Variants in OGFOD1 observed in about 807,000 individuals in gnomAD.
OGFOD1 encodes 2-oxoglutarate and iron dependent oxygenase domain containing 1.
In OGFOD1, 54 loss-of-function variants were observed where a neutral mutation model predicts 67.7. That is an observed-to-expected ratio of 0.80 (90% CI 0.64 to 1.00). The LOEUF (loss-of-function observed/expected upper bound fraction) is 1.00, where lower values mean the gene tolerates loss of function less well. Among genes scored for constraint, OGFOD1 ranks in the 50% least tolerant of loss-of-function variants. OGFOD1 has a pLI of 0.00. For missense variants in OGFOD1, 606 were observed against 646.7 expected (o/e 0.94, Z 0.68); for synonymous variants, 221 against 227.0 (o/e 0.97, Z 0.24).
intron 2 of OGFOD1, among the ~76,000 whole-genome samples, chr16:56,457,749 C>T (rs1047145242): frequency 6.6e-6 from 1 of 151,936 alleles, no homozygotes; most frequent in Non-Finnish European, 1.5e-5. Context: ...GGCGAGATCT[C>T]AGCTCACTGC....
In OGFOD1 at chr16:56,478,756, C is replaced by G. The variant is rs1449355561; in HGVS notation, c.*2551C>G. 1 of 152,200 alleles carries G rather than the reference C, an allele frequency of 6.6e-6. No homozygotes were observed. The highest frequency in any genetic ancestry group is 1.5e-5 in the Non-Finnish European group (1 of 68,038). 9.4% of individuals were successfully genotyped at this position (152,200 alleles called of 1,614,324 possible). On this transcript the variant is annotated 3_prime_UTR_variant, in exon 13 of 13. Transcript: ENST00000566157. ...TCCTTTATCTCAGTGTGTTTATGATCTGTCAACACATAATCATCTTTTATA... is the reference window on the plus strand; with the variant it reads ...TCCTTTATCTCAGTGTGTTTATGATGTGTCAACACATAATCATCTTTTATA...
chr16:56,470,664 T>TATCAC lies in OGFOD1; in HGVS notation c.1159_1163dup (p.Glu389SerfsTer53), dbSNP rs753037088. On this transcript the variant is annotated frameshift_variant, in exon 10 of 13. Coordinates refer to ENST00000566157, the MANE Select transcript of OGFOD1 (RefSeq NM_018233.4). LOFTEE classifies it high-confidence loss of function. ...ATAAAAAAGAGGCAGAAACCACTGA[T>TATCAC]ATCACTGAAGAAGGGACTAGCCATA... is the stretch of plus-strand genomic sequence containing the variant. The TATCAC allele has an allele frequency of 6.8e-6, 11 of 1,614,168 alleles. No homozygotes were observed. The highest frequency in any genetic ancestry group is 8.5e-6 in the Non-Finnish European group (10 of 1,180,038).
chr16:56,458,673 G>A, intron 3 of OGFOD1, 79 bp downstream of exon 3: 1 of 1,161,518 alleles, frequency 8.6e-7, no homozygotes, highest in African/African-American at 1.5e-5. Flanking sequence ...ACAACATTGT[G>A]TATGTCATAT....
At chr16:56,469,150 T>C (rs1416265259) in intron 8 of OGFOD1, among the ~76,000 whole-genome samples, 1 of 152,238 alleles carries the variant, frequency 6.6e-6, no homozygotes, top group Non-Finnish European at 1.5e-5. Flanking sequence ...ATAGGACTGC[T>C]TGGGAAACTG....
rs1963492558 is a variant in OGFOD1 at position 56,476,675 on chromosome 16, A to G, written c.*470A>G. 1 of 153,188 alleles carries G rather than the reference A, an allele frequency of 6.5e-6. No individual in the cohort carries two copies. Among genetic ancestry groups the G allele is most frequent in the Admixed American group, 6.5e-5 (1 of 15,308 alleles). 9.5% of individuals were successfully genotyped at this position (153,188 alleles called of 1,614,324 possible). A position where few individuals can be genotyped will look rare whatever the true frequency, so the allele number is the denominator to read the frequency against. Reference sequence around the variant, plus strand: ...ATAACTCCCCACCTCCCCTTCCCCTAGCAACAGCCATACCTTTTGTCTCTA... The same window carrying G: ...ATAACTCCCCACCTCCCCTTCCCCTGGCAACAGCCATACCTTTTGTCTCTA... On this transcript the variant is annotated 3_prime_UTR_variant, in exon 13 of 13. Transcript: ENST00000566157.
At chr16:56,468,261 C>T (rs1962986850) in intron 8 of OGFOD1, among the ~76,000 whole-genome samples, 2 of 152,228 alleles carry the variant, frequency 1.3e-5, no homozygotes, top group Admixed American at 6.5e-5. Context: ...CACACACACA[C>T]ACACAAGCTT....
In OGFOD1 at chr16:56,451,638, C is replaced by T. The variant is rs778510251; in HGVS notation, c.26C>T (p.Pro9Leu). The T allele has an allele frequency of 5.0e-6, 8 of 1,613,796 alleles. No individual in the cohort carries two copies. Among genetic ancestry groups the T allele is most frequent in the Non-Finnish European group, 6.8e-6 (8 of 1,180,020 alleles). Reference sequence around the variant, plus strand: ...ATGAATGGGAAGCGGCCAGCGGAGCCCGGCCCAGCCCGGGTGGGAAAAAAG... The same window carrying T: ...ATGAATGGGAAGCGGCCAGCGGAGCTCGGCCCAGCCCGGGTGGGAAAAAAG... MNGKRPAE[P>L]GPARVGKKGK... The change falls in exon 1 of 13, where the codon CCC (proline) becomes CTC (leucine). Residue 9 changes from proline to leucine, a missense_variant. Coordinates refer to ENST00000566157, the MANE Select transcript of OGFOD1 (RefSeq NM_018233.4).
At chr16:56,456,764 G>A (rs1380189085) in intron 2 of OGFOD1, among the ~76,000 whole-genome samples, 1 of 152,054 alleles carries the variant, frequency 6.6e-6, no homozygotes, top group African/African-American at 2.4e-5. Flanking sequence ...CAGGTTGTTC[G>A]TGGCCTGTAA....
intron 2 of OGFOD1, among the ~76,000 whole-genome samples, chr16:56,457,677 T>C (rs1247788244): frequency 6.6e-6 from 1 of 152,086 alleles, no homozygotes; most frequent in African/African-American, 2.4e-5. Flanking sequence ...TGGCTTTAAG[T>C]CACCTATTAG....
Position 56,476,083 on chromosome 16 carries a change from G to A in OGFOD1, c.1507G>A (p.Val503Ile), listed in dbSNP as rs1327873165. Reference sequence around the variant, plus strand: ...TCCAGAAAGCAATTCTTTGGCATTGGTCTACAGAGACAGAGAGACTCTGAA... The same window carrying A: ...TCCAGAAAGCAATTCTTTGGCATTGATCTACAGAGACAGAGAGACTCTGAA... The part of the protein sequence containing the change: ...VNPESNSLAL[V>I]YRDRETLKFV... The change falls in exon 13 of 13, where the codon GTC becomes ATC. Residue 503 changes from valine (V) to isoleucine (I), a missense_variant. Val to Ile is a conservative substitution (Grantham distance 29). Coordinates refer to ENST00000566157, the MANE Select transcript of OGFOD1 (RefSeq NM_018233.4). 1 of 1,613,652 alleles carries A rather than the reference G, an allele frequency of 6.2e-7. No homozygotes were observed. The highest frequency in any genetic ancestry group is 1.3e-5 in the African/African-American group (1 of 74,882).
At chr16:56,452,752 G>T (rs1198664915) in intron 1 of OGFOD1, among the ~76,000 whole-genome samples, 3 of 152,170 alleles carry the variant, frequency 2.0e-5, no homozygotes, top group Non-Finnish European at 4.4e-5. Context: ...TAGCCAGCCG[G>T]AAGCAGTGGG....
chr16:56,470,735 G>A lies in OGFOD1; in HGVS notation c.1229G>A (p.Ser410Asn). 1.2e-6 allele frequency: 2 copies of A among 1,613,680 alleles called. No homozygotes were observed. The highest frequency in any genetic ancestry group is 1.7e-6 in the Non-Finnish European group (2 of 1,179,858). Residue 410 changes from serine to asparagine, a missense_variant, in exon 10 of 13, where the codon AGC becomes AAC. Physicochemically the swap from Ser to Asn is conservative, Grantham distance 46. Transcript: ENST00000566157. ...AATCAGATGGCCATCAGCAACAACAGCCAACAGAGCAATGAGCAGACAGAC... is the reference window on the plus strand; with the variant it reads ...AATCAGATGGCCATCAGCAACAACAACCAACAGAGCAATGAGCAGACAGAC... ...ENNQMAISNN[S>N]QQSNEQTDPE...
intron 5 of OGFOD1, 49 bp downstream of exon 5, chr16:56,466,317 G>C: frequency 8.5e-7 from 1 of 1,182,610 alleles, no homozygotes; most frequent in Non-Finnish European, 1.3e-6. Flanking sequence ...GCACTTCTGA[G>C]TTAAAGCTGA....
At position 56,465,783 on chromosome 16, in the gene OGFOD1, T is replaced by C. The variant is rs530994296; in HGVS notation, c.449-369T>C. On this transcript the variant is annotated intron_variant, in intron 4 of 12. Transcript: ENST00000566157. ...CATTAAAAGTGATACCAAGTGTGTATATTGATAGGGAAAGATACTTGCCAT... is the reference window on the plus strand; with the variant it reads ...CATTAAAAGTGATACCAAGTGTGTACATTGATAGGGAAAGATACTTGCCAT... The C allele has an allele frequency of 3.1e-5, 6 of 191,864 alleles. No homozygotes were observed. The South Asian group carries it at 5.5e-4, about 18-fold the overall frequency. 11.9% of individuals were successfully genotyped at this position (191,864 alleles called of 1,614,324 possible). A position where few individuals can be genotyped will look rare whatever the true frequency, so the allele number is the denominator to read the frequency against.
In OGFOD1 at chr16:56,468,030, G is replaced by A. The variant is rs79914836; in HGVS notation, c.900+12G>A. The A allele has an allele frequency of 4.1e-3, 5,514 of 1,350,682 alleles. 164 individuals carry two copies. In the African/African-American group the frequency reaches 0.065, roughly 16 times the overall value. 83.7% of individuals were successfully genotyped at this position (1,350,682 alleles called of 1,614,324 possible). Reference sequence around the variant, plus strand: ...AGGAGTTTCTTAAGGTAAGCTTAGCGTATGTTGTTCTGAATATTTTGTTTG... The same window carrying A: ...AGGAGTTTCTTAAGGTAAGCTTAGCATATGTTGTTCTGAATATTTTGTTTG... On this transcript the variant is annotated intron_variant, in intron 8 of 12. Transcript: ENST00000566157.
At chr16:56,464,021 A>T (rs1416887315) in intron 4 of OGFOD1, among the ~76,000 whole-genome samples, 1 of 152,130 alleles carries the variant, frequency 6.6e-6, no homozygotes, top group Non-Finnish European at 1.5e-5. Context: ...CCAGGATTGC[A>T]TGTTGCATTT....
At chr16:56,473,218 C>T (rs1412815001) in intron 10 of OGFOD1, among the ~76,000 whole-genome samples, 2 of 152,162 alleles carry the variant, frequency 1.3e-5, no homozygotes, top group Admixed American at 1.3e-4. Flanking sequence ...GAGTGAGCCA[C>T]CACGCCTGGC....
intron 4 of OGFOD1, among the ~76,000 whole-genome samples, chr16:56,465,369 C>G (rs1457320876): frequency 2.6e-5 from 4 of 152,162 alleles, no homozygotes; most frequent in Non-Finnish European, 5.9e-5. Flanking sequence ...TCCTCGAGTT[C>G]CAATTGAACA....
chr16:56,472,610 A>T (rs1333325099), intron 10 of OGFOD1, among the ~76,000 whole-genome samples: 4 of 152,212 alleles, frequency 2.6e-5, no homozygotes, highest in African/African-American at 7.2e-5. Flanking sequence ...AAAAATAAAA[A>T]TACGTCAATT....
Sources: gnomAD v4.1 joint callset for allele counts (sites outside exome capture counted in the v4.1 genomes callset) on GRCh38, gnomAD v4.1.1 for gene constraint, MANE v1.5 for transcripts, NCBI Gene and HGNC (gene_info 2026-07-23, HGNC 2026-07-21) for gene names.